The following TCF4 variants were observed in gnomAD, a reference collection of about 807,000 sequenced individuals.
TCF4 encodes SL3-3 enhancer factor 2.
Under a neutral mutation model 82.1 loss-of-function variants are expected in TCF4, and 3 were observed. The observed-to-expected ratio is 0.04, with a 90% CI of 0.02 to 0.09. TCF4 has a LOEUF of 0.09. Ranked by LOEUF, TCF4 falls within the 10% of genes least tolerant of loss-of-function variation. The pLI is 1.00. For missense variants in TCF4, 518 were observed against 852.7 expected, an observed-to-expected ratio of 0.61 and a Z score of 4.89; for synonymous variants, 276 against 309.6, an observed-to-expected ratio of 0.89 and a Z score of 1.14.
At chr18:55,352,765 G>T (rs1405738816) in intron 6 of TCF4, among the ~76,000 whole-genome samples, 2 of 152,140 alleles carry the variant, frequency 1.3e-5, no homozygotes, top group East Asian at 3.9e-4. Flanking sequence ...TATCATTTAG[G>T]AGTGGCATTC....
chr18:55,222,575 C>T lies in TCF4; in HGVS notation c.*5460G>A, dbSNP rs1316272868. On this transcript the variant is annotated 3_prime_UTR_variant, in exon 20 of 20. Transcript: ENST00000354452. ...ATTTTCCTTCAACTAGTCACTAAAC[C>T]CAATTAGAAAGAATACAAGAGCAAT... is the stretch of plus-strand genomic sequence containing the variant. 6.6e-6 allele frequency: 1 copy of T among 152,480 alleles called. No homozygotes were observed. Among genetic ancestry groups the T allele is most frequent in the African/African-American group, 2.4e-5 (1 of 41,410 alleles). The allele number at this position is 152,480 out of a possible 1,614,324, so 9.4% of individuals were successfully genotyped here.
chr18:55,535,649 A>G (rs1216468558), intron 3 of TCF4, among the ~76,000 whole-genome samples: 3 of 152,238 alleles, frequency 2.0e-5, no homozygotes, highest in Non-Finnish European at 4.4e-5. Context: ...TAAAACAGAA[A>G]GCAAAATCAT....
intron 18 of TCF4, 63 bp downstream of exon 18, chr18:55,228,784 A>T: frequency 6.4e-7 from 1 of 1,567,256 alleles, no homozygotes; most frequent in Non-Finnish European, 8.7e-7. Context: ...TGGCGTGCCC[A>T]TCTCAGCTTG....
intron 2 of TCF4, among the ~76,000 whole-genome samples, chr18:55,607,968 T>A (rs917028345): frequency 6.6e-6 from 1 of 152,186 alleles, no homozygotes; most frequent in Non-Finnish European, 1.5e-5. Context: ...CTAACACCTG[T>A]GAACAAATGT....
At chr18:55,342,230 T>C (rs1220075049) in intron 8 of TCF4, among the ~76,000 whole-genome samples, 2 of 152,190 alleles carry the variant, frequency 1.3e-5, no homozygotes, top group Non-Finnish European at 2.9e-5. Flanking sequence ...AAATAATTAC[T>C]GACTGCAGTT....
chr18:55,618,806 C>T (rs1472296017), intron 2 of TCF4, among the ~76,000 whole-genome samples: 2 of 150,786 alleles, frequency 1.3e-5, no homozygotes, highest in Non-Finnish European at 2.9e-5. Context: ...AAGCTGGTCT[C>T]AGACTCCTGG....
At chr18:55,540,081 A>G (rs546548573) in intron 3 of TCF4, among the ~76,000 whole-genome samples, 1 of 152,248 alleles carries the variant, frequency 6.6e-6, no homozygotes, top group African/African-American at 2.4e-5. Flanking sequence ...ATAGACATAA[A>G]TAGACATAAT....
chr18:55,267,445 C>T (rs559539649), intron 11 of TCF4: 1 of 152,094 alleles, frequency 6.6e-6, no homozygotes. Flanking sequence ...CTACCACACT[C>T]AAAAAATCAA....
intron 3 of TCF4, among the ~76,000 whole-genome samples, chr18:55,487,378 G>T (rs1390212707): frequency 6.6e-6 from 1 of 152,096 alleles, no homozygotes; most frequent in Non-Finnish European, 1.5e-5. Flanking sequence ...TCCCCACCAG[G>T]ATGCAAGCTT....
At chr18:55,586,943 T>C (rs1054667964) in intron 2 of TCF4, 102 bp downstream of exon 2, 5 of 1,030,004 alleles carry the variant, frequency 4.9e-6, no homozygotes, top group African/African-American at 1.6e-5. Context: ...CAATTAAAAA[T>C]TATTACTGTC....
At chr18:55,565,096 A>G (rs1196880052) in intron 3 of TCF4, among the ~76,000 whole-genome samples, 2 of 152,166 alleles carry the variant, frequency 1.3e-5, no homozygotes, top group African/African-American at 4.8e-5. Flanking sequence ...AGAAGCACAG[A>G]GTTTCCATTT....
Position 55,559,650 on chromosome 18 carries a change from A to AC in TCF4, c.145+25629_145+25630insG, listed in dbSNP as rs71721292. Among the ~76,000 whole-genome samples, 718 of 151,778 alleles carry AC rather than the reference A, an allele frequency of 4.7e-3. 2 individuals are homozygous for AC. The highest frequency in any genetic ancestry group is 8.3e-3 in the Non-Finnish European group (561 of 67,904). On this transcript the variant is annotated intron_variant, in intron 3 of 19. Coordinates refer to ENST00000354452, the MANE Select transcript of TCF4 (RefSeq NM_001083962.2). ...TAGGGTTTTTTCTTTAAAAAAAAAA[A>AC]AACTTATTTTGGTAGAAATCAAATT...
At chr18:55,377,075 G>A (rs1039890710) in intron 6 of TCF4, among the ~76,000 whole-genome samples, 2 of 152,162 alleles carry the variant, frequency 1.3e-5, no homozygotes, top group Non-Finnish European at 2.9e-5. Context: ...CTACCTACCA[G>A]TTCTTCCCAG....
chr18:55,600,755 C>A (rs1784583986), intron 2 of TCF4, among the ~76,000 whole-genome samples: 1 of 152,198 alleles, frequency 6.6e-6, no homozygotes, highest in Admixed American at 6.5e-5. Flanking sequence ...GGGGTTCCAA[C>A]ATCTGTGGAT....
In TCF4 at chr18:55,471,273, A is replaced by G. The variant is rs549423192; in HGVS notation, c.146-7136T>C. On this transcript the variant is annotated intron_variant, in intron 3 of 19. Coordinates refer to ENST00000354452, the MANE Select transcript of TCF4 (RefSeq NM_001083962.2). ...ACAAGCATGATTGTTTCTGTTTTCT[A>G]TTAGACATAAGAAATGGTGCTTCAG... Among the ~76,000 whole-genome samples the G allele has an allele frequency of 1.7e-4, 26 of 152,280 alleles. No homozygotes were observed. The East Asian group carries it at 2.5e-3, about 15-fold the overall frequency.
intron 1 of TCF4, among the ~76,000 whole-genome samples, chr18:55,635,444 G>A (rs1188282571): frequency 6.6e-6 from 1 of 151,964 alleles, no homozygotes; most frequent in African/African-American, 2.4e-5. Flanking sequence ...GGGAGGCAGA[G>A]GCTGCAGTGA....
chr18:55,302,372 A>G (rs2068593539), intron 8 of TCF4: 9 of 1,517,818 alleles, frequency 5.9e-6, no homozygotes, highest in Non-Finnish European at 8.0e-6. Context: ...GTGTCAAGTC[A>G]GGCAGGCTCA....
At chr18:55,451,195 C>A (rs186222722) in intron 5 of TCF4, among the ~76,000 whole-genome samples, 52 of 152,296 alleles carry the variant, frequency 3.4e-4, no homozygotes, top group African/African-American at 9.4e-4. Flanking sequence ...ACCCAAAACC[C>A]CAAAGTCTAT....
At chr18:55,390,912 C>G (rs547780180) in intron 6 of TCF4, among the ~76,000 whole-genome samples, 1 of 152,284 alleles carries the variant, frequency 6.6e-6, no homozygotes, top group Admixed American at 6.5e-5. Flanking sequence ...AAATGGCACC[C>G]AGGACTTGCA....
Sources: allele counts gnomAD v4.1 joint callset (sites outside exome capture counted in the v4.1 genomes callset), GRCh38; gene constraint gnomAD v4.1.1; transcripts MANE v1.5; gene names NCBI Gene and HGNC (gene_info 2026-07-23, HGNC 2026-07-21).